The following NRXN3 variants were observed in gnomAD, a reference collection of about 807,000 sequenced individuals.
The protein encoded by NRXN3 is neurexin 3, also known as neurexin III.
A neutral mutation model predicts 137.6 loss-of-function variants in NRXN3; 32 were observed. That is an observed-to-expected ratio of 0.23 (90% confidence interval 0.18 to 0.31). NRXN3 has a LOEUF of 0.31. Among genes scored for constraint, NRXN3 ranks in the 10% least tolerant of loss-of-function variants. The probability of loss-of-function intolerance (pLI) is 1.00; values close to 1 mark genes in which losing one functional copy is unlikely to be tolerated. For missense variants in NRXN3, 1,574 were observed against 2,062.5 expected, an observed-to-expected ratio of 0.76 and a Z score of 4.59; for synonymous variants, 798 against 784.5, an observed-to-expected ratio of 1.02 and a Z score of -0.29.
chr14:79,583,693 G>A (rs2097739108), intron 16 of NRXN3, among the ~76,000 whole-genome samples: 1 of 152,072 alleles, frequency 6.6e-6, no homozygotes, highest in South Asian at 2.1e-4. Context: ...ATTAAAAACT[G>A]TTTATGTTTG....
intron 4 of NRXN3, among the ~76,000 whole-genome samples, chr14:78,467,773 T>G (rs1489909181): frequency 6.6e-6 from 1 of 152,220 alleles, no homozygotes; most frequent in Non-Finnish European, 1.5e-5. Flanking sequence ...TAGATGATTT[T>G]AAAAATGTTA....
intron 15 of NRXN3, among the ~76,000 whole-genome samples, chr14:79,197,414 C>T (rs2065277831): frequency 6.6e-6 from 1 of 152,108 alleles, no homozygotes; most frequent in South Asian, 2.1e-4. Flanking sequence ...GTGTGGTTCT[C>T]AGTTGCTGCT....
At chr14:78,463,072 TC>T (rs1193464980) in intron 4 of NRXN3, among the ~76,000 whole-genome samples, 4 of 152,170 alleles carry the variant, frequency 2.6e-5, no homozygotes, top group Non-Finnish European at 5.9e-5. Flanking sequence ...ATTGTTAAGC[TC>T]CCACTTGTAA....
At chr14:79,720,284 C>G (rs1176861894) in intron 19 of NRXN3, among the ~76,000 whole-genome samples, 1 of 152,066 alleles carries the variant, frequency 6.6e-6, no homozygotes, top group East Asian at 1.9e-4. Flanking sequence ...ATGGGGGAAA[C>G]TGTCCCCATG....
intron 4 of NRXN3, among the ~76,000 whole-genome samples, chr14:78,366,423 T>G (rs1425822694): frequency 1.3e-5 from 2 of 152,204 alleles, no homozygotes; most frequent in Non-Finnish European, 2.9e-5. Context: ...GTGTTTAAAA[T>G]TAGTGCCCAT....
intron 10 of NRXN3, among the ~76,000 whole-genome samples, chr14:78,944,948 G>C (rs12588357): frequency 0.12 from 18,370 of 152,104 alleles, 2,257 homozygotes; most frequent in East Asian, 0.43. Context: ...CATTATTTAT[G>C]TTTCTTATGA....
chr14:78,732,850 TG>T (rs2098522917), intron 8 of NRXN3, among the ~76,000 whole-genome samples: 1 of 152,132 alleles, frequency 6.6e-6, no homozygotes, highest in African/African-American at 2.4e-5. Context: ...AAAAGGTTAG[TG>T]GGATAAGGTT....
chr14:78,370,086 A>G (rs1454192884), intron 4 of NRXN3, among the ~76,000 whole-genome samples: 3 of 152,170 alleles, frequency 2.0e-5, no homozygotes, highest in East Asian at 3.9e-4. Context: ...AAGATCTGTC[A>G]TAGTCATTCC....
chr14:79,779,855 G>T (rs1308888697), intron 19 of NRXN3, among the ~76,000 whole-genome samples: 2 of 152,066 alleles, frequency 1.3e-5, no homozygotes, highest in Non-Finnish European at 2.9e-5. Flanking sequence ...GCCAGTTGAG[G>T]CTCCTCTGTA....
At chr14:79,523,543 G>A (rs1330040295) in intron 16 of NRXN3, among the ~76,000 whole-genome samples, 2 of 152,140 alleles carry the variant, frequency 1.3e-5, no homozygotes, top group African/African-American at 4.8e-5. Flanking sequence ...GAAAAAAATG[G>A]CACTCACTGC....
At chr14:79,557,145 A>G (rs746810948) in intron 16 of NRXN3, among the ~76,000 whole-genome samples, 4 of 152,010 alleles carry the variant, frequency 2.6e-5, no homozygotes, top group Non-Finnish European at 4.4e-5. Flanking sequence ...ACTGTATTAT[A>G]TTGGTTTTCA....
At chr14:79,669,806 T>A (rs1447383520) in intron 17 of NRXN3, among the ~76,000 whole-genome samples, 1 of 151,914 alleles carries the variant, frequency 6.6e-6, no homozygotes, top group Non-Finnish European at 1.5e-5. Flanking sequence ...CAAAATCAGA[T>A]CCCCCAGTGC....
chr14:78,952,037 G>T (rs1206602116), intron 10 of NRXN3, among the ~76,000 whole-genome samples: 2 of 152,126 alleles, frequency 1.3e-5, no homozygotes, highest in African/African-American at 4.8e-5. Flanking sequence ...AGGCTGAATA[G>T]CTGGGTCACT....
At chr14:79,516,232 G>A (rs1012058550) in intron 16 of NRXN3, among the ~76,000 whole-genome samples, 1 of 152,182 alleles carries the variant, frequency 6.6e-6, no homozygotes, top group African/African-American at 2.4e-5. Flanking sequence ...GCAAAGGCAA[G>A]CAGGGTACCA....
intron 15 of NRXN3, among the ~76,000 whole-genome samples, chr14:79,030,000 C>T (rs1236173280): frequency 6.6e-6 from 1 of 151,256 alleles, no homozygotes; most frequent in Non-Finnish European, 1.5e-5. Flanking sequence ...GGCATGACCA[C>T]TGTGCCCGTC....
At chr14:79,318,894 T>C (rs2089446899) in intron 15 of NRXN3, among the ~76,000 whole-genome samples, 1 of 152,244 alleles carries the variant, frequency 6.6e-6, no homozygotes, top group Non-Finnish European at 1.5e-5. Context: ...ACTCTCTAAG[T>C]ATTACTTTCC....
intron 16 of NRXN3, among the ~76,000 whole-genome samples, chr14:79,507,569 G>A (rs1173584501): frequency 6.6e-6 from 1 of 152,164 alleles, no homozygotes; most frequent in Non-Finnish European, 1.5e-5. Context: ...TGAAGAAAGA[G>A]AGAAAGAAAT....
intron 4 of NRXN3, among the ~76,000 whole-genome samples, chr14:78,423,197 T>C (rs2093521260): frequency 6.6e-6 from 1 of 152,082 alleles, no homozygotes; most frequent in Admixed American, 6.5e-5. Flanking sequence ...GGAGAATTCC[T>C]CCTCAGTCAC....
chr14:78,848,071 A>G (rs1241949959), intron 10 of NRXN3, among the ~76,000 whole-genome samples: 1 of 152,082 alleles, frequency 6.6e-6, no homozygotes, highest in African/African-American at 2.4e-5. Context: ...AAAGGAATCT[A>G]AGAGTTACCC....
Sources: allele counts gnomAD v4.1 joint callset (sites outside exome capture counted in the v4.1 genomes callset), GRCh38; gene constraint gnomAD v4.1.1; transcripts MANE v1.5; gene names NCBI Gene and HGNC (gene_info 2026-07-23, HGNC 2026-07-21).